The following SNX29 variants were observed in gnomAD, a reference collection of about 807,000 sequenced individuals.
The protein encoded by SNX29 is sorting nexin-29.
In SNX29, 78 loss-of-function variants were observed where a neutral mutation model predicts 102.1. The ratio of observed to expected loss-of-function variants is 0.76; its 90% CI spans 0.64 to 0.92. The LOEUF is 0.92. Among genes scored for constraint, SNX29 ranks in the 40% least tolerant of loss-of-function variants. SNX29 has a pLI of 0.00. For synonymous variants in SNX29, 580 were observed against 414.5 expected (o/e 1.40, Z -4.85); for missense variants, 1,280 against 1,061.7 (o/e 1.21, Z -2.86).
chr16:12,543,037 C>CG (rs1225808989), intron 20 of SNX29, among the ~76,000 whole-genome samples: 1 of 152,142 alleles, frequency 6.6e-6, no homozygotes, highest in Non-Finnish European at 1.5e-5. Flanking sequence ...TCCAGAGGCT[C>CG]AAAAAGTGTC....
chr16:12,288,266 T>A (rs551917062), intron 15 of SNX29, among the ~76,000 whole-genome samples: 1 of 152,282 alleles, frequency 6.6e-6, no homozygotes, highest in South Asian at 2.1e-4. Flanking sequence ...CATGTCAGTT[T>A]ACCATTATCA....
intron 19 of SNX29, among the ~76,000 whole-genome samples, chr16:12,479,390 A>C (rs143786369): frequency 6.6e-6 from 1 of 152,242 alleles, no homozygotes; most frequent in African/African-American, 2.4e-5. Flanking sequence ...AGGGAAATCT[A>C]TTCCCAACCC....
chr16:12,538,287 G>C (rs574378114), intron 20 of SNX29, among the ~76,000 whole-genome samples: 1 of 151,958 alleles, frequency 6.6e-6, no homozygotes, highest in African/African-American at 2.4e-5. Flanking sequence ...GGCTAATTTT[G>C]TATTTTTGTT....
intron 20 of SNX29, among the ~76,000 whole-genome samples, chr16:12,535,482 CT>C (rs2077049529): frequency 6.6e-6 from 1 of 152,110 alleles, no homozygotes; most frequent in Non-Finnish European, 1.5e-5. Context: ...GTTACTGTCC[CT>C]TTTTTCCAGA....
chr16:12,384,030 T>C (rs763842437), intron 16 of SNX29, among the ~76,000 whole-genome samples: 4 of 152,328 alleles, frequency 2.6e-5, no homozygotes, highest in African/African-American at 7.2e-5. Flanking sequence ...GTTCCATCCA[T>C]GTTGTTGCAA....
At chr16:12,174,222 G>T (rs555087406) in intron 13 of SNX29, among the ~76,000 whole-genome samples, 2 of 152,342 alleles carry the variant, frequency 1.3e-5, no homozygotes, top group Admixed American at 1.3e-4. Context: ...TTACAGAGCA[G>T]TGTCTCCTGG....
chr16:12,119,911 C>T (rs1234707605), intron 11 of SNX29, among the ~76,000 whole-genome samples: 2 of 152,190 alleles, frequency 1.3e-5, no homozygotes, highest in South Asian at 2.1e-4. Flanking sequence ...AGGTGCCTCT[C>T]GCATTGCTGG....
intron 19 of SNX29, among the ~76,000 whole-genome samples, chr16:12,514,612 C>T (rs559054651): frequency 3.9e-5 from 6 of 152,116 alleles, no homozygotes; most frequent in African/African-American, 1.4e-4. Flanking sequence ...TGCCTGTGAT[C>T]CCAGCACTTT....
At chr16:12,544,531 C>T (rs1437213025) in intron 20 of SNX29, among the ~76,000 whole-genome samples, 1 of 152,114 alleles carries the variant, frequency 6.6e-6, no homozygotes, top group Non-Finnish European at 1.5e-5. Context: ...AATTGTGTGG[C>T]CTAGGAACAT....
chr16:12,337,807 T>G (rs1051581979), intron 15 of SNX29, among the ~76,000 whole-genome samples: 1 of 152,208 alleles, frequency 6.6e-6, no homozygotes, highest in African/African-American at 2.4e-5. Flanking sequence ...GCTGCCATTG[T>G]CAGCATCTTC....
chr16:12,023,647 G>A (rs553643744), intron 3 of SNX29, among the ~76,000 whole-genome samples: 7 of 151,830 alleles, frequency 4.6e-5, no homozygotes, highest in East Asian at 3.9e-4. Flanking sequence ...CTTTCATTTC[G>A]TGGGAATTAT....
chr16:12,444,081 C>T (rs1646306), intron 18 of SNX29, among the ~76,000 whole-genome samples: 1 of 144,980 alleles, frequency 6.9e-6, no homozygotes. Context: ...CTAGCACATA[C>T]TAAGCACTCA....
chr16:12,421,428 A>G (rs1320438559), intron 18 of SNX29, among the ~76,000 whole-genome samples: 1 of 152,250 alleles, frequency 6.6e-6, no homozygotes, highest in Non-Finnish European at 1.5e-5. Flanking sequence ...GCCCTTGACC[A>G]TGAATACTTA....
At chr16:12,227,681 C>G (rs1005621212) in intron 14 of SNX29, among the ~76,000 whole-genome samples, 21 of 152,010 alleles carry the variant, frequency 1.4e-4, no homozygotes, top group African/African-American at 5.1e-4. Context: ...AGGCAGATCA[C>G]CTGAGATCAG....
intron 20 of SNX29, among the ~76,000 whole-genome samples, chr16:12,555,429 G>A (rs1052652958): frequency 2.0e-4 from 31 of 152,042 alleles, no homozygotes; most frequent in Non-Finnish European, 8.8e-5. Flanking sequence ...TTGCTTTGTA[G>A]GAGACACTCA....
At chr16:12,553,072 C>G (rs538107100) in intron 20 of SNX29, among the ~76,000 whole-genome samples, 73 of 152,320 alleles carry the variant, frequency 4.8e-4, no homozygotes, top group Non-Finnish European at 8.4e-4. Flanking sequence ...CAAAGCAACA[C>G]TCACCTGCAT....
chr16:12,187,820 GGAAGCCCAGTTGAGTCCATGA>G (rs1195889489), intron 13 of SNX29, among the ~76,000 whole-genome samples: 5 of 152,090 alleles, frequency 3.3e-5, no homozygotes, highest in African/African-American at 4.8e-5. Flanking sequence ...TGGCTTCCAT[GGAAGCCCAGTTGAGTCCATGA>G]GAGGCTCCCT....
chr16:12,368,953 C>T (rs2082584246), intron 16 of SNX29, among the ~76,000 whole-genome samples: 1 of 152,166 alleles, frequency 6.6e-6, no homozygotes, highest in Non-Finnish European at 1.5e-5. Flanking sequence ...ATCCTGAGCT[C>T]ATGACCCACA....
At chr16:12,559,720 CCAAGAAA>C (rs2078605499) in intron 20 of SNX29, among the ~76,000 whole-genome samples, 1 of 152,118 alleles carries the variant, frequency 6.6e-6, no homozygotes, top group Non-Finnish European at 1.5e-5. Flanking sequence ...GGTGAGAACA[CCAAGAAA>C]TAGATGAAAT....
Sources: allele counts gnomAD v4.1 joint callset (sites outside exome capture counted in the v4.1 genomes callset), GRCh38; gene constraint gnomAD v4.1.1; transcripts MANE v1.5; gene names NCBI Gene and HGNC (gene_info 2026-07-23, HGNC 2026-07-21).